Variants in QSOX2 observed in about 807,000 individuals in gnomAD.
The protein encoded by QSOX2 is quiescin sulfhydryl oxidase 2, also known as sulfhydryl oxidase 2.
In QSOX2, 46 loss-of-function variants were observed where a neutral mutation model predicts 61.7. That is an observed-to-expected ratio of 0.75 (90% confidence interval 0.59 to 0.95). QSOX2 has a LOEUF of 0.95. Ranked by LOEUF, QSOX2 falls within the 40% of genes least tolerant of loss-of-function variation. QSOX2 has a pLI of 0.00. For missense variants in QSOX2, 879 were observed against 918.9 expected (o/e 0.96, Z 0.56); for synonymous variants, 383 against 388.4 (o/e 0.99, Z 0.16).
intron 1 of QSOX2, among the ~76,000 whole-genome samples, chr9:136,234,866 C>T (rs538971136): frequency 3.9e-5 from 6 of 152,268 alleles, no homozygotes; most frequent in South Asian, 2.1e-4. Context: ...AGCCTCATCG[C>T]GCCACACCCC....
In QSOX2 at chr9:136,223,743, A is replaced by G; in HGVS notation, c.675+20T>C. ...CAATCACACCACGTGTGACACCTGGAGCCCACGCAGAGGCCGTACCTCCCG... is the reference window on the plus strand; with the variant it reads ...CAATCACACCACGTGTGACACCTGGGGCCCACGCAGAGGCCGTACCTCCCG... On this transcript the variant is annotated intron_variant, in intron 5 of 11. Transcript: ENST00000358701. The surrounding 1 kb of genome is among the most constrained non-coding windows in gnomAD (Gnocchi z 4.4). 6.2e-7 allele frequency: 1 copy of G among 1,604,424 alleles called. No homozygotes were observed. Among genetic ancestry groups the G allele is most frequent in the African/African-American group, 1.3e-5 (1 of 74,798 alleles).
chr9:136,207,418 T>C lies in QSOX2; in HGVS notation c.*1310A>G, dbSNP rs2131045012. The C allele has an allele frequency of 6.7e-6, 1 of 149,216 alleles. No homozygotes were observed. The highest frequency in any genetic ancestry group is 6.6e-5 in the Admixed American group (1 of 15,066). The allele number at this position is 149,216 out of a possible 1,614,324, so 9.2% of individuals were successfully genotyped here. On this transcript the variant is annotated 3_prime_UTR_variant, in exon 12 of 12. Coordinates refer to ENST00000358701, the MANE Select transcript of QSOX2 (RefSeq NM_181701.4). Reference sequence around the variant, plus strand: ...ACACACACACGGGCACACAAATACATCTGAGCCTATTTTAGCCAAATCAAA... The same window carrying C: ...ACACACACACGGGCACACAAATACACCTGAGCCTATTTTAGCCAAATCAAA...
chr9:136,220,985 T>C (rs1048933631), intron 6 of QSOX2, among the ~76,000 whole-genome samples: 2 of 152,358 alleles, frequency 1.3e-5, no homozygotes, highest in South Asian at 4.1e-4. Context: ...CACTGTTCTT[T>C]TTCTAACCTG....
At chr9:136,231,940 A>C (rs115248266) in intron 1 of QSOX2, among the ~76,000 whole-genome samples, 29 of 98,936 alleles carry the variant, frequency 2.9e-4, no homozygotes, top group African/African-American at 1.2e-3. Flanking sequence ...CCTCCTCCGC[A>C]GGTCCCATCT....
chr9:136,219,155 A>T lies in QSOX2; in HGVS notation c.831T>A (p.Pro277=). Residue 277 remains proline (P), a synonymous_variant, in exon 7 of 12, where the codon CCT becomes CCA. Transcript: ENST00000358701. ...AATAAGACGAAAAGAAGGCCCGCAG[A>T]GGCTTCACGCTGTGAGAGAGGGGAG... The part of the protein sequence containing the change: ...GSHGLINVVK[P]LRAFFSSYLK... 2 of 1,613,858 alleles carry T rather than the reference A, an allele frequency of 1.2e-6. No individual in the cohort carries two copies. The highest frequency in any genetic ancestry group is 4.5e-5 in the East Asian group (2 of 44,880).
At chr9:136,216,039 T>C (rs1178416425) in intron 9 of QSOX2, among the ~76,000 whole-genome samples, 1 of 152,218 alleles carries the variant, frequency 6.6e-6, no homozygotes, top group African/African-American at 2.4e-5. Flanking sequence ...CTTACAGGAT[T>C]CCCAGAAGAT....
chr9:136,227,983 T>TA (rs1830297821), intron 1 of QSOX2, among the ~76,000 whole-genome samples: 1 of 152,138 alleles, frequency 6.6e-6, no homozygotes, highest in South Asian at 2.1e-4. Flanking sequence ...TTTGTTCGTT[T>TA]AAAGTTTGTT....
intron 1 of QSOX2, among the ~76,000 whole-genome samples, chr9:136,236,179 C>T (rs530018421): frequency 6.6e-6 from 1 of 152,322 alleles, no homozygotes; most frequent in East Asian, 1.9e-4. Flanking sequence ...TGACCCTCCA[C>T]CTCCTCCCCA....
At chr9:136,226,995 G>T in intron 1 of QSOX2, 121 bp from the exon 2 acceptor site, 1 of 754,152 alleles carries the variant, frequency 1.3e-6, no homozygotes, top group Non-Finnish European at 2.4e-6. Flanking sequence ...GCCCCCTCTA[G>T]GTCATCAGTT....
At chr9:136,228,507 G>C (rs953017228) in intron 1 of QSOX2, among the ~76,000 whole-genome samples, 1 of 152,232 alleles carries the variant, frequency 6.6e-6, no homozygotes, top group African/African-American at 2.4e-5. Flanking sequence ...TCCTCACTCT[G>C]TAGGGGTCCT....
chr9:136,234,492 T>C (rs748134367), intron 1 of QSOX2, among the ~76,000 whole-genome samples: 40 of 152,270 alleles, frequency 2.6e-4, no homozygotes, highest in African/African-American at 9.4e-4. Flanking sequence ...CAGCTCAGCG[T>C]TGACAACGCA....
chr9:136,230,756 G>A (rs984320971), intron 1 of QSOX2, among the ~76,000 whole-genome samples: 4 of 152,184 alleles, frequency 2.6e-5, no homozygotes, highest in Admixed American at 2.0e-4. Context: ...AACCGAGCTG[G>A]AAGGCGCCTG....
rs779932937 is a variant in QSOX2, at chr9:136,208,914, A to G, written c.1911T>C (p.Asp637=). The G allele has an allele frequency of 6.2e-7, 1 of 1,613,780 alleles. No homozygotes were observed. Among genetic ancestry groups the G allele is most frequent in the African/African-American group, 1.3e-5 (1 of 74,910 alleles). The change falls in exon 12 of 12, where the codon GAT becomes GAC. Residue 637 remains aspartate (D), a synonymous_variant. Coordinates refer to ENST00000358701, the MANE Select transcript of QSOX2 (RefSeq NM_181701.4). ...CCACCTCCTTGTGGGCCCCGGGCCC[A>G]TCCAGACTCTGGAGTTTCCCGTCCA... ...HSLDGKLQSL[D]GPGAHKEVGG... is the part of the protein sequence containing the mutation.
At position 136,211,401 on chromosome 9, in the gene QSOX2, T is replaced by C; in HGVS notation, c.1412A>G (p.His471Arg). Residue 471 changes from histidine (H) to arginine (R), a missense_variant, in exon 11 of 12, where the codon CAC (histidine) becomes CGC (arginine). His to Arg is a conservative substitution (Grantham distance 29, BLOSUM62 0). Transcript: ENST00000358701. ...AVLQTMRRYV[H>R]TFFGCKECGE... is the part of the protein sequence containing the mutation. The stretch of plus-strand genomic sequence containing the variant: ...ACATTCCTTACACCCAAAGAAGGTG[T>C]GAACGTACCTCCTCATTGTCTGCAG... 6.2e-7 allele frequency: 1 copy of C among 1,614,194 alleles called. No homozygotes were observed. Among genetic ancestry groups the C allele is most frequent in the East Asian group, 2.2e-5 (1 of 44,890 alleles).
intron 1 of QSOX2, among the ~76,000 whole-genome samples, chr9:136,244,737 G>C (rs1351029557): frequency 6.6e-6 from 1 of 152,210 alleles, no homozygotes; most frequent in Non-Finnish European, 1.5e-5. Context: ...CCAGATGAAA[G>C]CACTAAACAA....
chr9:136,215,346 TAATTGTTG>T (rs1472781828), intron 9 of QSOX2, 42 bp from the exon 10 acceptor site: 26 of 1,416,436 alleles, frequency 1.8e-5, no homozygotes, highest in Non-Finnish European at 2.5e-5. Flanking sequence ...GAATAAAAGA[TAATTGTTG>T]AAATTAAAAA....
chr9:136,225,238 T>G (rs1830268345), intron 2 of QSOX2, among the ~76,000 whole-genome samples: 1 of 152,184 alleles, frequency 6.6e-6, no homozygotes, highest in African/African-American at 2.4e-5. Context: ...GCCTATGTCT[T>G]AATGGTTAGC....
chr9:136,220,209 G>C (rs1831964356), intron 6 of QSOX2, among the ~76,000 whole-genome samples: 1 of 152,140 alleles, frequency 6.6e-6, no homozygotes, highest in East Asian at 1.9e-4. Context: ...TGTTTTATTT[G>C]TCATAGGCTG....
intron 11 of QSOX2, chr9:136,210,474 G>A: frequency 1.0e-6 from 1 of 985,466 alleles, no homozygotes; most frequent in South Asian, 4.7e-5. Context: ...GAGGGCTCGG[G>A]GAAAGCACAG....
Sources: gnomAD v4.1 joint callset for allele counts (sites outside exome capture counted in the v4.1 genomes callset) on GRCh38, gnomAD v4.1.1 for gene constraint, Gnocchi (gnomAD v3.1) non-coding constraint, MANE v1.5 for transcripts, NCBI Gene and HGNC (gene_info 2026-07-23, HGNC 2026-07-21) for gene names.